TMEM201: variants seen among roughly 807,000 people sequenced by gnomAD.
The protein encoded by TMEM201 is transmembrane protein 201, also known as RP13-15M17.2.
Under a neutral mutation model 63.4 loss-of-function variants are expected in TMEM201, and 26 were observed. That is an observed-to-expected ratio of 0.41 (90% CI 0.30 to 0.57). The LOEUF is 0.57. Ranked by LOEUF, TMEM201 falls within the 20% of genes least tolerant of loss-of-function variation. TMEM201 has a pLI of 0.29. For synonymous variants in TMEM201, 417 were observed against 421.6 expected (o/e 0.99, Z 0.14); for missense variants, 794 against 917.7 (o/e 0.87, Z 1.74).
At chr1:9,592,492 A>G (rs2100448426) in intron 1 of TMEM201, among the ~76,000 whole-genome samples, 1 of 152,282 alleles carries the variant, frequency 6.6e-6, no homozygotes, top group African/African-American at 2.4e-5. Context: ...GCAGGGACCA[A>G]GCCCCATCCA....
At position 9,596,938 on chromosome 1, in the gene TMEM201, G is replaced by A. The variant is rs565709266; in HGVS notation, c.314G>A (p.Arg105His). 7.9e-5 allele frequency: 127 copies of A among 1,612,860 alleles called. 1 individual carries two copies. Among genetic ancestry groups the A allele is most frequent in the Non-Finnish European group, 9.7e-5 (114 of 1,179,712 alleles). The stretch of plus-strand genomic sequence containing the variant: ...GTGGTGAGCAGCGCGCCCAGCCTGC[G>A]CGACCCTTCGCAGCCGCAGCAGTGG... ...NHVVSSAPSL[R>H]DPSQPQQWVS... Residue 105 changes from arginine to histidine, a missense_variant, in exon 3 of 11, where the codon CGC becomes CAC. Transcript: ENST00000340381.
intron 1 of TMEM201, among the ~76,000 whole-genome samples, 163 bp downstream of exon 1, chr1:9,589,206 C>A (rs568961753): frequency 6.6e-6 from 1 of 150,934 alleles, no homozygotes; most frequent in East Asian, 2.0e-4. Context: ...GTTGAGACTG[C>A]AGTCGGGAAG....
At position 9,603,990 on chromosome 1, in the gene TMEM201, C is replaced by G; in HGVS notation, c.1160+1718C>G. 1 of 985,448 alleles carries G rather than the reference C, an allele frequency of 1.0e-6. No homozygotes were observed. Among genetic ancestry groups the G allele is most frequent in the Middle Eastern group, 5.2e-4 (1 of 1,914 alleles). The allele number at this position is 985,448 out of a possible 1,614,324, so 61.0% of individuals were successfully genotyped here. A position where few individuals can be genotyped will look rare whatever the true frequency, so the allele number is the denominator to read the frequency against. On this transcript the variant is annotated intron_variant, in intron 6 of 10. Coordinates refer to ENST00000340381, the MANE Select transcript of TMEM201 (RefSeq NM_001130924.3). The surrounding 1 kb of genome is among the most constrained non-coding windows in gnomAD (Gnocchi z 4.5). Reference sequence around the variant, plus strand: ...TTGGGGCGGGTGAGCCAAAGCGGCCCCCCATGGTGTCTACCTGAGGGGCAG... The same window carrying G: ...TTGGGGCGGGTGAGCCAAAGCGGCCGCCCATGGTGTCTACCTGAGGGGCAG...
intron 5 of TMEM201, 33 bp downstream of exon 5, chr1:9,601,487 G>A: frequency 1.9e-6 from 3 of 1,547,562 alleles, no homozygotes; most frequent in East Asian, 2.3e-5. Flanking sequence ...GAGTTGGCGG[G>A]CAGGGGACTG....
Position 9,610,580 on chromosome 1 carries a change from G to A in TMEM201, c.1540G>A (p.Val514Met). 1 of 1,550,116 alleles carries A rather than the reference G, an allele frequency of 6.5e-7. No homozygotes were observed. Among genetic ancestry groups the A allele is most frequent in the Non-Finnish European group, 8.7e-7 (1 of 1,146,704 alleles). ...PSPAPSVAGS[V>M]ASSSGSLRHR... ...CCCAGCGCCTTCCGTGGCCGGCTCGGTGGCCTCCAGCTCCGGCTCTCTGCG... is the reference window on the plus strand; with the variant it reads ...CCCAGCGCCTTCCGTGGCCGGCTCGATGGCCTCCAGCTCCGGCTCTCTGCG... The change falls in exon 9 of 11, where the codon GTG (valine) becomes ATG (methionine). Residue 514 changes from valine (V) to methionine (M), a missense_variant. Coordinates refer to ENST00000340381, the MANE Select transcript of TMEM201 (RefSeq NM_001130924.3). This position sits in a 1 kb window ranked among gnomAD's most constrained non-coding sequence, Gnocchi z 4.9.
At chr1:9,592,833 C>T (rs1371832665) in intron 1 of TMEM201, among the ~76,000 whole-genome samples, 3 of 152,294 alleles carry the variant, frequency 2.0e-5, no homozygotes, top group Admixed American at 6.5e-5. Context: ...TAGCAGGAGC[C>T]GAGATAGTGG....
In TMEM201 at chr1:9,601,465, G is replaced by A. The variant is rs759136609; in HGVS notation, c.956+11G>A. The A allele has an allele frequency of 2.5e-6, 4 of 1,569,868 alleles. No individual in the cohort carries two copies. The African/African-American group carries it at 5.4e-5, about 21-fold the overall frequency. The stretch of plus-strand genomic sequence containing the variant: ...GGCTGGCCGCATCAGGTGTGCATGG[G>A]GCCAGGGCCAGGAGTTGGCGGGCAG... On this transcript the variant is annotated intron_variant, in intron 5 of 10. Transcript: ENST00000340381.
chr1:9,595,986 C>T lies in TMEM201; in HGVS notation c.210C>T (p.Cys70=), dbSNP rs576679988. The T allele has an allele frequency of 2.8e-4, 456 of 1,613,150 alleles. 8 individuals carry two copies. In the South Asian group the frequency reaches 3.9e-3, roughly 14 times the overall value. The change falls in exon 2 of 11, where the codon TGC becomes TGT. Residue 70 remains cysteine, a synonymous_variant. Transcript: ENST00000340381. ...GNRNCWDCPH[C]EQYNGFQENG... ...GCAACTGCTGGGACTGTCCCCACTGCGAGCAGTACAACGGCTTCCAGGAGG... is the reference window on the plus strand; with the variant it reads ...GCAACTGCTGGGACTGTCCCCACTGTGAGCAGTACAACGGCTTCCAGGAGG...
rs2100509397 is a variant in TMEM201 at position 9,605,841 on chromosome 1, A to AG, written c.1161-1714dup. Among the ~76,000 whole-genome samples, 1 of 152,332 alleles carries AG rather than the reference A, an allele frequency of 6.6e-6. No individual in the cohort carries two copies. Among genetic ancestry groups the AG allele is most frequent in the African/African-American group, 2.4e-5 (1 of 41,580 alleles). On this transcript the variant is annotated intron_variant, in intron 6 of 10. Coordinates refer to ENST00000340381, the MANE Select transcript of TMEM201 (RefSeq NM_001130924.3). The surrounding 1 kb of genome is among the most constrained non-coding windows in gnomAD (Gnocchi z 5.7). ...CTGCTAGAGCCCACCCTTTGGGGCC[A>AG]GGAGCTGCGTGGCCCAGCTGACCAC...
At position 9,595,807 on chromosome 1, in the gene TMEM201, T is replaced by C; in HGVS notation, c.114-83T>C. 4 of 1,581,772 alleles carry C rather than the reference T, an allele frequency of 2.5e-6. No homozygotes were observed. In the South Asian group the frequency reaches 4.5e-5, roughly 18 times the overall value. On this transcript the variant is annotated intron_variant, in intron 1 of 10. Transcript: ENST00000340381. ...CCCACTCCCAGCACCCTTTCCCTGG[T>C]GGCCCTGGGGCAGGGCATGGAGGTC...
At chr1:9,598,199 C>T (rs111241454) in intron 3 of TMEM201, among the ~76,000 whole-genome samples, 20 of 152,350 alleles carry the variant, frequency 1.3e-4, no homozygotes, top group African/African-American at 4.6e-4. Flanking sequence ...AGCAACAGAA[C>T]CTTGTTAGTG....
rs371053572 is a variant in TMEM201, at chr1:9,610,871, C to T, written c.1765+66C>T. On this transcript the variant is annotated intron_variant, in intron 9 of 10. Coordinates refer to ENST00000340381, the MANE Select transcript of TMEM201 (RefSeq NM_001130924.3). This position sits in a 1 kb window ranked among gnomAD's most constrained non-coding sequence, Gnocchi z 4.9. Reference sequence around the variant, plus strand: ...TCTGCTGCCAAGAGGCCTGGCTGTGCGGCGGTGGGGGGGCTCATCCTTGCT... The same window carrying T: ...TCTGCTGCCAAGAGGCCTGGCTGTGTGGCGGTGGGGGGGCTCATCCTTGCT... 1.8e-5 allele frequency: 27 copies of T among 1,491,784 alleles called. No homozygotes were observed. Among genetic ancestry groups the T allele is most frequent in the Admixed American group, 4.2e-5 (2 of 48,004 alleles). The allele number at this position is 1,491,784 out of a possible 1,614,324, so 92.4% of individuals were successfully genotyped here. A position where few individuals can be genotyped will look rare whatever the true frequency, so the allele number is the denominator to read the frequency against.
chr1:9,613,809 CTG>C lies in TMEM201; in HGVS notation c.*730_*731del, dbSNP rs1644356999. ...GCGGAGCGCCCTGGCCCACCTCGCC[CTG>C]TGTTTCCAGGCCTGCACGTCTGGTC... On this transcript the variant is annotated 3_prime_UTR_variant, in exon 11 of 11. Coordinates refer to ENST00000340381, the MANE Select transcript of TMEM201 (RefSeq NM_001130924.3). 2 of 152,434 alleles carry C rather than the reference CTG, an allele frequency of 1.3e-5. No individual in the cohort carries two copies. Among genetic ancestry groups the C allele is most frequent in the Admixed American group, 6.5e-5 (1 of 15,284 alleles). The allele number at this position is 152,434 out of a possible 1,614,324, so 9.4% of individuals were successfully genotyped here. A position where few individuals can be genotyped will look rare whatever the true frequency, so the allele number is the denominator to read the frequency against.
In TMEM201 at chr1:9,598,634, C is replaced by A. The variant is rs745902722; in HGVS notation, c.606+9C>A. The A allele has an allele frequency of 1.9e-6, 3 of 1,609,796 alleles. No homozygotes were observed. Among genetic ancestry groups the A allele is most frequent in the South Asian group, 2.2e-5 (2 of 90,806 alleles). On this transcript the variant is annotated intron_variant, in intron 4 of 10. Transcript: ENST00000340381. ...ACCAGACCCACGCACAGGTGAGAGG[C>A]GGCATCCACAGGGCGGGGGTGGGGG... is the stretch of plus-strand genomic sequence containing the variant.
chr1:9,592,360 A>G (rs1239006314), intron 1 of TMEM201, among the ~76,000 whole-genome samples: 1 of 152,166 alleles, frequency 6.6e-6, no homozygotes, highest in Non-Finnish European at 1.5e-5. Flanking sequence ...TGGGGCCAGC[A>G]CACAGTGTCC....
chr1:9,596,564 G>A (rs1261574401), intron 2 of TMEM201, among the ~76,000 whole-genome samples: 11 of 152,168 alleles, frequency 7.2e-5, no homozygotes, highest in Admixed American at 1.3e-4. Flanking sequence ...ACTGAGTTCC[G>A]AGAGGGTAGG....
chr1:9,604,592 T>A lies in TMEM201; in HGVS notation c.1160+2320T>A, dbSNP rs138697503. On this transcript the variant is annotated intron_variant, in intron 6 of 10. Transcript: ENST00000340381. This position sits in a 1 kb window ranked among gnomAD's most constrained non-coding sequence, Gnocchi z 4.1. The stretch of plus-strand genomic sequence containing the variant: ...GGGATGGCCATCAGACCTTCTAGGG[T>A]CTGGCTGGGGTCATCCTAGGTATGG... 18,624 of 985,384 alleles carry A rather than the reference T, an allele frequency of 0.019. 204 individuals are homozygous for A. Among genetic ancestry groups the A allele is most frequent in the Non-Finnish European group, 0.021 (17,219 of 829,894 alleles). The allele number at this position is 985,384 out of a possible 1,614,324, so 61.0% of individuals were successfully genotyped here.
intron 10 of TMEM201, 132 bp from the exon 11 acceptor site, chr1:9,612,854 C>A: frequency 1.4e-6 from 1 of 727,384 alleles, no homozygotes; most frequent in Non-Finnish European, 2.3e-6. Flanking sequence ...TGGGGGTGAG[C>A]CTCACCAGTC....
rs1207761766 is a variant in TMEM201 at position 9,613,037 on chromosome 1, C to T, written c.1955C>T (p.Ala652Val). Residue 652 changes from alanine (A) to valine (V), a missense_variant, in exon 11 of 11, where the codon GCC becomes GTC. Transcript: ENST00000340381. ...VRGLLAVSLAANALFTSVFLY... is the reference protein window; with the variant it reads ...VRGLLAVSLAVNALFTSVFLY... Reference sequence around the variant, plus strand: ...GGCCTCCTGGCCGTGAGCTTGGCCGCCAACGCCCTGTTCACCTCGGTGTTT... The same window carrying T: ...GGCCTCCTGGCCGTGAGCTTGGCCGTCAACGCCCTGTTCACCTCGGTGTTT... 1 of 1,551,504 alleles carries T rather than the reference C, an allele frequency of 6.4e-7. No homozygotes were observed.
Sources: allele counts gnomAD v4.1 joint callset (sites outside exome capture counted in the v4.1 genomes callset), GRCh38; gene constraint gnomAD v4.1.1; non-coding constraint Gnocchi (gnomAD v3.1); transcripts MANE v1.5; gene names NCBI Gene and HGNC (gene_info 2026-07-23, HGNC 2026-07-21).